TMPRSS15: variants seen among roughly 807,000 people sequenced by gnomAD.
The protein encoded by TMPRSS15 is transmembrane serine protease 15.
Under a neutral mutation model 125.3 loss-of-function variants are expected in TMPRSS15, and 128 were observed. The observed-to-expected ratio is 1.02, with a 90% CI of 0.89 to 1.18. TMPRSS15 has a LOEUF of 1.18. Ranked by LOEUF, TMPRSS15 falls within the 50% of genes most tolerant of loss-of-function variation. TMPRSS15 has a pLI of 0.00. For missense variants in TMPRSS15, 1,283 were observed against 1,212.7 expected (o/e 1.06, Z -0.86); for synonymous variants, 446 against 423.2 (o/e 1.05, Z -0.66).
At chr21:18,380,884 C>T (rs191845200) in intron 4 of TMPRSS15, among the ~76,000 whole-genome samples, 2 of 152,038 alleles carry the variant, frequency 1.3e-5, no homozygotes, top group African/African-American at 4.8e-5. Flanking sequence ...TACATTTGAG[C>T]CAACTAATAT....
At chr21:18,416,935 C>T (rs1301422814) in intron 1 of TMPRSS15, among the ~76,000 whole-genome samples, 3 of 151,938 alleles carry the variant, frequency 2.0e-5, no homozygotes, top group South Asian at 2.1e-4. Context: ...TGAGATACAC[C>T]ATGGCAGTCA....
intron 1 of TMPRSS15, among the ~76,000 whole-genome samples, chr21:18,428,547 T>C (rs1312334834): frequency 3.3e-5 from 5 of 152,136 alleles, no homozygotes; most frequent in African/African-American, 1.2e-4. Context: ...ATCTGCAGCT[T>C]ATGGACTTGG....
At chr21:18,461,348 C>T (rs2122952502) in intron 1 of TMPRSS15, among the ~76,000 whole-genome samples, 27 of 152,274 alleles carry the variant, frequency 1.8e-4, no homozygotes, top group African/African-American at 6.5e-4. Context: ...ATCTTCCATT[C>T]TCCTTGACTG....
intron 21 of TMPRSS15, among the ~76,000 whole-genome samples, chr21:18,281,592 T>TA (rs2074698780): frequency 1.3e-5 from 2 of 152,218 alleles, no homozygotes; most frequent in African/African-American, 2.4e-5. Context: ...CCAGACAATT[T>TA]AAAAAATACT....
chr21:18,419,220 CTTTTTTTTTT>C (rs540004490), intron 1 of TMPRSS15, among the ~76,000 whole-genome samples: 74 of 108,620 alleles, frequency 6.8e-4, no homozygotes, highest in Non-Finnish European at 3.0e-4. Context: ...GACATTTCCT[CTTTTTTTTTT>C]TTTTTTTTTT....
intron 1 of TMPRSS15, chr21:18,460,749 AT>A (rs1978536577): frequency 6.6e-6 from 1 of 152,210 alleles, no homozygotes; most frequent in Non-Finnish European, 1.5e-5. Flanking sequence ...GATGAGACTC[AT>A]CCACATAATG....
rs552871628 is a variant in TMPRSS15 at position 18,450,317 on chromosome 21, AT to A, written c.10+35481del. On this transcript the variant is annotated intron_variant, in intron 1 of 7. Coordinates refer to the TMPRSS15 transcript ENST00000422787. ...CTGGGGTTGCATAATGGAAAGATCT[AT>A]TTTTTTCTAAAACCTTTTGTCGTAG... is the stretch of plus-strand genomic sequence containing the variant. Among the ~76,000 whole-genome samples the A allele has an allele frequency of 5.3e-5, 8 of 151,438 alleles. No individual in the cohort carries two copies. In the East Asian group the frequency reaches 1.6e-3, roughly 30 times the overall value.
intron 1 of TMPRSS15, among the ~76,000 whole-genome samples, chr21:18,440,311 T>G (rs1455009409): frequency 7.5e-6 from 1 of 132,668 alleles, no homozygotes; most frequent in South Asian, 2.3e-4. Context: ...AGGCGGAGCT[T>G]GCAGTGAGTC....
intron 3 of TMPRSS15, among the ~76,000 whole-genome samples, chr21:18,396,799 T>TGTCC (rs2076042994): frequency 8.5e-6 from 1 of 118,092 alleles, no homozygotes. Context: ...AAAATCTGTC[T>TGTCC]GTCTGTCTGT....
At chr21:18,299,808 C>T (rs572831602) in intron 18 of TMPRSS15, among the ~76,000 whole-genome samples, 37 of 152,308 alleles carry the variant, frequency 2.4e-4, no homozygotes, top group African/African-American at 7.9e-4. Flanking sequence ...ATTCTCCACC[C>T]TCACTCGAGG....
intron 2 of TMPRSS15, 84 bp downstream of exon 2, chr21:18,398,115 A>G: frequency 2.0e-6 from 3 of 1,493,448 alleles, no homozygotes; most frequent in Non-Finnish European, 2.8e-6. Context: ...TTTATTCTCT[A>G]GTTGTTTCAC....
At chr21:18,284,134 A>G (rs1004749087) in intron 21 of TMPRSS15, among the ~76,000 whole-genome samples, 1 of 152,212 alleles carries the variant, frequency 6.6e-6, no homozygotes, top group Non-Finnish European at 1.5e-5. Flanking sequence ...CACCATGGAT[A>G]GGAAAAATTC....
At position 18,442,459 on chromosome 21, in the gene TMPRSS15, A is replaced by G. The variant is rs114833605; in HGVS notation, c.10+43340T>C. ...ACTCTTGCAAACTTTTGCTCCAAAT[A>G]TAAGTTAAGCTATAAAGTAGTTATT... is the stretch of plus-strand genomic sequence containing the variant. On this transcript the variant is annotated intron_variant, in intron 1 of 7. Transcript: ENST00000422787. Among the ~76,000 whole-genome samples, 979 of 152,310 alleles carry G rather than the reference A, an allele frequency of 6.4e-3. 14 individuals carry two copies. The highest frequency in any genetic ancestry group is 0.022 in the African/African-American group (927 of 41,562).
At chr21:18,275,064 C>CA in intron 24 of TMPRSS15, 133 bp downstream of exon 24, 1 of 1,255,444 alleles carries the variant, frequency 8.0e-7, no homozygotes, top group Non-Finnish European at 1.1e-6. Flanking sequence ...CGCAAATAGG[C>CA]AAAAAGTAAC....
At chr21:18,440,428 TAAAG>T (rs1239011646) in intron 1 of TMPRSS15, among the ~76,000 whole-genome samples, 1 of 140,254 alleles carries the variant, frequency 7.1e-6, no homozygotes, top group Non-Finnish European at 1.6e-5. Context: ...GGCATCAATA[TAAAG>T]AGTCTATGTA....
intron 8 of TMPRSS15, among the ~76,000 whole-genome samples, chr21:18,354,858 A>T (rs2075608958): frequency 6.6e-6 from 1 of 151,856 alleles, no homozygotes; most frequent in Non-Finnish European, 1.5e-5. Context: ...CAGATAGGAG[A>T]CAATGAACCA....
intron 18 of TMPRSS15, among the ~76,000 whole-genome samples, chr21:18,298,569 C>A (rs536710388): frequency 3.3e-5 from 5 of 152,310 alleles, no homozygotes; most frequent in African/African-American, 9.6e-5. Flanking sequence ...TTGAAGATTT[C>A]TCTTAATTAT....
At chr21:18,330,230 C>T (rs942303114) in intron 14 of TMPRSS15, among the ~76,000 whole-genome samples, 3 of 152,128 alleles carry the variant, frequency 2.0e-5, no homozygotes, top group Non-Finnish European at 4.4e-5. Context: ...TACTTCTCAA[C>T]GTCCCTTGCC....
At chr21:18,425,635 T>A (rs1453100301) in intron 1 of TMPRSS15, among the ~76,000 whole-genome samples, 1 of 152,054 alleles carries the variant, frequency 6.6e-6, no homozygotes, top group Admixed American at 6.5e-5. Flanking sequence ...AGTATTTATG[T>A]ATCTGTGTAG....
Sources: allele counts gnomAD v4.1 joint callset (sites outside exome capture counted in the v4.1 genomes callset), GRCh38; gene constraint gnomAD v4.1.1; transcripts MANE v1.5; gene names NCBI Gene and HGNC (gene_info 2026-07-23, HGNC 2026-07-21).